The following DNAJC1 variants were observed in gnomAD, a reference collection of about 807,000 sequenced individuals.
DNAJC1 encodes the protein DnaJ heat shock protein family (Hsp40) member C1, also known as dnaJ homolog subfamily C member 1.
A neutral mutation model predicts 76.6 loss-of-function variants in DNAJC1; 58 were observed. That is an observed-to-expected ratio of 0.76 (90% confidence interval 0.61 to 0.94). The LOEUF is 0.94. Ranked by LOEUF, DNAJC1 falls within the 40% of genes least tolerant of loss-of-function variation. The probability of loss-of-function intolerance (pLI) is 0.00; values close to 1 mark genes in which losing one functional copy is unlikely to be tolerated. For missense variants in DNAJC1, 689 were observed against 677.3 expected, an observed-to-expected ratio of 1.02 and a Z score of -0.19; for synonymous variants, 258 against 267.9, an observed-to-expected ratio of 0.96 and a Z score of 0.36.
intron 10 of DNAJC1, among the ~76,000 whole-genome samples, chr10:21,763,688 G>A (rs80211046): frequency 0.04 from 6,029 of 151,968 alleles, 148 homozygotes; most frequent in Non-Finnish European, 0.057. Flanking sequence ...AAAATACTAG[G>A]AAGCCTCTGT....
At chr10:21,782,094 A>G (rs545851627) in intron 9 of DNAJC1, among the ~76,000 whole-genome samples, 26 of 152,336 alleles carry the variant, frequency 1.7e-4, no homozygotes, top group African/African-American at 5.8e-4. Context: ...AAAAAAATCA[A>G]TGAATCCAGA....
chr10:21,912,372 T>C (rs78401350), intron 6 of DNAJC1, among the ~76,000 whole-genome samples: 2 of 152,116 alleles, frequency 1.3e-5, no homozygotes, highest in Admixed American at 1.3e-4. Flanking sequence ...GCTTTTTATC[T>C]TTTCTACATC....
At chr10:21,827,585 T>C (rs1835283889) in intron 8 of DNAJC1, among the ~76,000 whole-genome samples, 1 of 152,228 alleles carries the variant, frequency 6.6e-6, no homozygotes, top group Non-Finnish European at 1.5e-5. Context: ...GTTCTGCGGC[T>C]TGCAGCTGCA....
chr10:21,784,399 C>T (rs529203778), intron 9 of DNAJC1, among the ~76,000 whole-genome samples: 1 of 152,244 alleles, frequency 6.6e-6, no homozygotes, highest in African/African-American at 2.4e-5. Flanking sequence ...AGTCAGGAAA[C>T]AATAGGTGCT....
intron 8 of DNAJC1, among the ~76,000 whole-genome samples, chr10:21,828,520 T>C (rs922492122): frequency 3.9e-5 from 6 of 152,210 alleles, no homozygotes; most frequent in Non-Finnish European, 5.9e-5. Context: ...TTCTGTTGAA[T>C]ACATACTTGA....
At chr10:21,879,697 T>C (rs970070253) in intron 8 of DNAJC1, among the ~76,000 whole-genome samples, 1 of 152,206 alleles carries the variant, frequency 6.6e-6, no homozygotes, top group Admixed American at 6.5e-5. Context: ...AAGTGTGTGA[T>C]AGCATTATGT....
intron 1 of DNAJC1, among the ~76,000 whole-genome samples, chr10:21,956,464 TTAAA>T (rs1376005466): frequency 6.6e-6 from 1 of 151,978 alleles, no homozygotes; most frequent in Non-Finnish European, 1.5e-5. Context: ...AGTTAATAGA[TTAAA>T]TAAGAGGACA....
In DNAJC1 at chr10:21,888,157, G is replaced by C. The variant is rs186082836; in HGVS notation, c.821-5718C>G. On this transcript the variant is annotated intron_variant, in intron 7 of 11. Transcript: ENST00000376980. ...AAAAGCTCCATATCACTGATTATTA[G>C]AGTAATGCAAATCAAAACCACAATG... 1.2e-4 allele frequency among the ~76,000 whole-genome samples: 18 copies of C among 152,032 alleles called. No individual in the cohort carries two copies. In the East Asian group the frequency reaches 3.1e-3, roughly 26 times the overall value.
chr10:21,919,115 G>T (rs1376772634), intron 5 of DNAJC1, among the ~76,000 whole-genome samples: 1 of 152,000 alleles, frequency 6.6e-6, no homozygotes, highest in Non-Finnish European at 1.5e-5. Context: ...TTTGGGGAAG[G>T]AGGCTCCTAA....
intron 7 of DNAJC1, among the ~76,000 whole-genome samples, chr10:21,903,411 C>T (rs991974292): frequency 9.9e-5 from 15 of 151,922 alleles, no homozygotes; most frequent in Non-Finnish European, 2.1e-4. Flanking sequence ...ATCATTCTTA[C>T]TCCTTCTTAA....
intron 8 of DNAJC1, among the ~76,000 whole-genome samples, chr10:21,812,312 C>T (rs1030947115): frequency 1.3e-5 from 2 of 152,108 alleles, no homozygotes; most frequent in Non-Finnish European, 2.9e-5. Flanking sequence ...CTGCCTCAGC[C>T]TCCCAAAGTG....
intron 8 of DNAJC1, among the ~76,000 whole-genome samples, chr10:21,824,773 T>C (rs942314918): frequency 5.3e-5 from 8 of 152,164 alleles, no homozygotes; most frequent in African/African-American, 1.9e-4. Context: ...TTTATTTTTA[T>C]TTATTACTAT....
At chr10:21,793,893 T>C (rs1315057655) in intron 9 of DNAJC1, among the ~76,000 whole-genome samples, 1 of 152,084 alleles carries the variant, frequency 6.6e-6, no homozygotes, top group Non-Finnish European at 1.5e-5. Context: ...GTCGAGGCTA[T>C]AGTGAGCAGT....
chr10:21,963,159 A>G (rs896483224), intron 1 of DNAJC1, among the ~76,000 whole-genome samples: 3 of 152,184 alleles, frequency 2.0e-5, no homozygotes, highest in Non-Finnish European at 4.4e-5. Context: ...AATCAAATAC[A>G]CTTTATAAAA....
intron 7 of DNAJC1, among the ~76,000 whole-genome samples, chr10:21,890,421 C>CA (rs1007952107): frequency 0.062 from 3,288 of 52,650 alleles, 111 homozygotes; most frequent in African/African-American, 0.11. Flanking sequence ...TCCCCCCCTA[C>CA]AAAAAAAAAA....
At chr10:21,949,609 G>A (rs1837559579) in intron 1 of DNAJC1, among the ~76,000 whole-genome samples, 1 of 151,382 alleles carries the variant, frequency 6.6e-6, no homozygotes, top group South Asian at 2.1e-4. Context: ...TAGAGACAGG[G>A]TTTCTCCATG....
At chr10:21,992,187 C>T (rs1485568777) in intron 1 of DNAJC1, among the ~76,000 whole-genome samples, 4 of 152,050 alleles carry the variant, frequency 2.6e-5, no homozygotes, top group African/African-American at 4.8e-5. Context: ...GGCATGTGCC[C>T]GTAGTCCCAG....
intron 1 of DNAJC1, among the ~76,000 whole-genome samples, chr10:21,940,461 T>C (rs1366154866): frequency 1.3e-5 from 2 of 152,324 alleles, no homozygotes; most frequent in Admixed American, 1.3e-4. Context: ...TACCAAATCC[T>C]GGTTGCTGAT....
intron 8 of DNAJC1, among the ~76,000 whole-genome samples, chr10:21,855,593 T>C (rs1157547667): frequency 1.3e-5 from 2 of 152,116 alleles, no homozygotes; most frequent in East Asian, 1.9e-4. Context: ...TGAATACAAA[T>C]AGGTGACTGC....
Sources: allele counts gnomAD v4.1 joint callset (sites outside exome capture counted in the v4.1 genomes callset), GRCh38; gene constraint gnomAD v4.1.1; transcripts MANE v1.5; gene names NCBI Gene and HGNC (gene_info 2026-07-23, HGNC 2026-07-21).